IMMP2L: variants seen among roughly 807,000 people sequenced by gnomAD.
The protein encoded by IMMP2L is inner mitochondrial membrane peptidase subunit 2.
Under a neutral mutation model 19.3 loss-of-function variants are expected in IMMP2L, and 18 were observed. That is an observed-to-expected ratio of 0.93 (90% CI 0.64 to 1.38). The LOEUF (loss-of-function observed/expected upper bound fraction) is 1.38, where lower values mean the gene tolerates loss of function less well. IMMP2L is among the 40% of genes most tolerant of loss of function. The pLI is 0.00. For synonymous variants in IMMP2L, 76 were observed against 73.0 expected (o/e 1.04, Z -0.21); for missense variants, 233 against 218.2 (o/e 1.07, Z -0.43).
At chr7:111,467,624 T>C (rs906034239) in intron 3 of IMMP2L, among the ~76,000 whole-genome samples, 4 of 152,226 alleles carry the variant, frequency 2.6e-5, no homozygotes, top group African/African-American at 9.6e-5. Flanking sequence ...CTTTTAACTA[T>C]GATCATTGTT....
intron 5 of IMMP2L, among the ~76,000 whole-genome samples, chr7:110,852,587 A>G (rs1806349170): frequency 1.3e-5 from 2 of 152,044 alleles, no homozygotes; most frequent in Non-Finnish European, 2.9e-5. Context: ...ATGCAAGCAA[A>G]TCTGGGGAGG....
At chr7:110,931,387 T>C (rs1815467383) in intron 4 of IMMP2L, among the ~76,000 whole-genome samples, 1 of 152,168 alleles carries the variant, frequency 6.6e-6, no homozygotes, top group Non-Finnish European at 1.5e-5. Flanking sequence ...CAATGACCCT[T>C]TTTCCTGCCT....
At chr7:111,263,623 A>G (rs1349105629) in intron 3 of IMMP2L, among the ~76,000 whole-genome samples, 3 of 152,162 alleles carry the variant, frequency 2.0e-5, no homozygotes, top group Admixed American at 1.3e-4. Flanking sequence ...AGTCATCAGC[A>G]TATCAATGGT....
intron 5 of IMMP2L, among the ~76,000 whole-genome samples, chr7:110,770,989 A>T (rs927821612): frequency 6.6e-6 from 1 of 152,106 alleles, no homozygotes; most frequent in Non-Finnish European, 1.5e-5. Flanking sequence ...CACAGGGTCT[A>T]TCAGGGATAC....
intron 5 of IMMP2L, among the ~76,000 whole-genome samples, chr7:110,747,237 C>G (rs1427531362): frequency 1.4e-4 from 22 of 152,150 alleles, no homozygotes; most frequent in Admixed American, 1.4e-3. Context: ...ATAACAAGTT[C>G]TGAAACTGAG....
chr7:111,498,113 A>G (rs554028417), intron 2 of IMMP2L, among the ~76,000 whole-genome samples: 12 of 152,174 alleles, frequency 7.9e-5, no homozygotes, highest in African/African-American at 2.9e-4. Context: ...TTCTTTAAAC[A>G]AGCTCTTCAG....
At chr7:111,180,243 T>G (rs991343100) in intron 3 of IMMP2L, among the ~76,000 whole-genome samples, 4 of 152,054 alleles carry the variant, frequency 2.6e-5, no homozygotes, top group Admixed American at 6.6e-5. Context: ...AATTAATCAT[T>G]TCTAGATTTT....
intron 3 of IMMP2L, among the ~76,000 whole-genome samples, chr7:111,225,751 A>G (rs1813019868): frequency 6.6e-6 from 1 of 151,060 alleles, no homozygotes; most frequent in South Asian, 2.1e-4. Context: ...AAAGTAAATT[A>G]TCCAATTCCA....
intron 5 of IMMP2L, among the ~76,000 whole-genome samples, chr7:110,688,355 G>T (rs1793258505): frequency 6.6e-6 from 1 of 151,976 alleles, no homozygotes; most frequent in Non-Finnish European, 1.5e-5. Context: ...AACAAAAATG[G>T]TATGACTACA....
intron 4 of IMMP2L, among the ~76,000 whole-genome samples, chr7:110,893,385 A>G (rs1008853129): frequency 1.3e-5 from 2 of 152,150 alleles, no homozygotes. Flanking sequence ...GGAACACACA[A>G]TACGTATTCT....
intron 3 of IMMP2L, among the ~76,000 whole-genome samples, chr7:111,080,011 G>A (rs527758532): frequency 7.2e-4 from 50 of 69,882 alleles, no homozygotes; most frequent in African/African-American, 1.3e-3. Flanking sequence ...GCAGCCTCCA[G>A]AACTACAAAA....
chr7:111,094,227 TA>T (rs1425160697), intron 3 of IMMP2L, among the ~76,000 whole-genome samples: 1 of 152,156 alleles, frequency 6.6e-6, no homozygotes, highest in African/African-American at 2.4e-5. Flanking sequence ...GAAAGCTCTA[TA>T]ACCGGAGTTT....
At chr7:111,540,691 G>A (rs1341099389) in intron 1 of IMMP2L, among the ~76,000 whole-genome samples, 2 of 152,064 alleles carry the variant, frequency 1.3e-5, no homozygotes, top group Admixed American at 1.3e-4. Context: ...GTATACATAG[G>A]TCATGTCTCA....
intron 5 of IMMP2L, among the ~76,000 whole-genome samples, chr7:110,832,008 A>C (rs1356824682): frequency 6.6e-6 from 1 of 152,182 alleles, no homozygotes; most frequent in Non-Finnish European, 1.5e-5. Flanking sequence ...TCACGCCTGT[A>C]ATCCCCACAC....
At chr7:110,770,928 G>T (rs1417039638) in intron 5 of IMMP2L, among the ~76,000 whole-genome samples, 2 of 152,104 alleles carry the variant, frequency 1.3e-5, no homozygotes, top group Non-Finnish European at 2.9e-5. Flanking sequence ...GAGCTGTGTT[G>T]TTCCTGGTGG....
intron 3 of IMMP2L, among the ~76,000 whole-genome samples, chr7:111,214,785 T>TG (rs1160483394): frequency 1.5e-5 from 2 of 134,958 alleles, no homozygotes; most frequent in East Asian, 4.3e-4. Context: ...CATAACCATG[T>TG]AAAAAAAAAA....
chr7:111,376,529 ATCCATCAATTC>A (rs1465000444), intron 3 of IMMP2L, among the ~76,000 whole-genome samples: 1 of 152,090 alleles, frequency 6.6e-6, no homozygotes, highest in African/African-American at 2.4e-5. Context: ...TTACCATATA[ATCCATCAATTC>A]TACTCCTAGC....
intron 3 of IMMP2L, among the ~76,000 whole-genome samples, chr7:110,966,375 C>T (rs559434795): frequency 2.6e-5 from 4 of 152,012 alleles, no homozygotes; most frequent in Admixed American, 6.6e-5. Flanking sequence ...TATGACATTA[C>T]CCAAGAAGAC....
chr7:111,336,855 A>ATT (rs1826474690), intron 3 of IMMP2L, among the ~76,000 whole-genome samples: 1 of 149,452 alleles, frequency 6.7e-6, no homozygotes, highest in African/African-American at 2.5e-5. Flanking sequence ...TTTTTTTTAG[A>ATT]ATTTTGGTAC....
Sources: gnomAD v4.1 joint callset for allele counts (sites outside exome capture counted in the v4.1 genomes callset) on GRCh38, gnomAD v4.1.1 for gene constraint, MANE v1.5 for transcripts, NCBI Gene and HGNC (gene_info 2026-07-23, HGNC 2026-07-21) for gene names.